The following KHNYN variants were observed in gnomAD, a reference collection of about 807,000 sequenced individuals.
KHNYN encodes the protein protein KHNYN.
A neutral mutation model predicts 62.7 loss-of-function variants in KHNYN; 42 were observed. The ratio of observed to expected loss-of-function variants is 0.67; its 90% confidence interval spans 0.52 to 0.87. The LOEUF (loss-of-function observed/expected upper bound fraction) is 0.87. KHNYN is among the 40% of genes least tolerant of loss of function. The pLI is 0.00. For missense variants in KHNYN, 829 were observed against 874.1 expected (o/e 0.95, Z 0.65); for synonymous variants, 347 against 345.6 (o/e 1.00, Z -0.04).
chr14:24,434,806 CTA>C (rs1594756962), intron 5 of KHNYN, among the ~76,000 whole-genome samples: 1 of 152,348 alleles, frequency 6.6e-6, no homozygotes, highest in Admixed American at 6.5e-5. Context: ...CTATACCACA[CTA>C]TCTTTCAAAT....
chr14:24,424,258 G>A, the KHNYN span, among the ~76,000 whole-genome samples: 14 of 152,128 alleles, frequency 9.2e-5, no homozygotes, highest in Admixed American at 8.5e-4. Context: ...TCAAGTTTTG[G>A]ATTATTAATC....
chr14:24,428,267 G>A (rs758540395), upstream of KHNYN: 23 of 1,612,552 alleles, frequency 1.4e-5, no homozygotes, highest in Admixed American at 3.8e-4. Flanking sequence ...CCGGGGATGG[G>A]GGCCAGTGCT....
At position 24,430,119 on chromosome 14, in the gene KHNYN, G is replaced by T; in HGVS notation, c.-18G>T. 2.0e-6 allele frequency: 2 copies of T among 985,026 alleles called. No individual in the cohort carries two copies. The highest frequency in any genetic ancestry group is 2.4e-6 in the Non-Finnish European group (2 of 829,986). 61.0% of individuals were successfully genotyped at this position (985,026 alleles called of 1,614,324 possible). ...TGAAGCCGGCGCGGGCGGCGGAGGC[G>T]GTAGGCGCGCCCCTCCACCGCGCCC... On this transcript the variant is annotated splice_region_variant and 5_prime_UTR_variant, in exon 1 of 8. Coordinates refer to ENST00000553935, the MANE Select transcript of KHNYN (RefSeq NM_015299.3).
chr14:24,435,041 A>T (rs1352723095), intron 5 of KHNYN, among the ~76,000 whole-genome samples: 2 of 152,132 alleles, frequency 1.3e-5, no homozygotes, highest in African/African-American at 4.8e-5. Context: ...TCTGTTTCTA[A>T]ATCTGTTAAA....
chr14:24,435,367 G>A (rs2043189526), intron 5 of KHNYN: 1 of 152,384 alleles, frequency 6.6e-6, no homozygotes, highest in African/African-American at 2.4e-5. Flanking sequence ...GCCTGGGTGT[G>A]TGGACTTTAT....
intron 5 of KHNYN, chr14:24,434,449 C>T (rs557913370): frequency 1.7e-5 from 14 of 835,222 alleles, no homozygotes; most frequent in South Asian, 1.6e-4. Context: ...TCTGTCGCCA[C>T]GCTGGAGTGC....
In KHNYN at chr14:24,431,756, T is replaced by A. The variant is rs1250092001; in HGVS notation, c.495T>A (p.Ser165=). 6.2e-7 allele frequency: 1 copy of A among 1,614,194 alleles called. No homozygotes were observed. Among genetic ancestry groups the A allele is most frequent in the Non-Finnish European group, 8.5e-7 (1 of 1,180,042 alleles). Residue 165 remains serine, a synonymous_variant, in exon 3 of 8, where the codon TCT becomes TCA. Transcript: ENST00000553935. ...SQCTGVLRDF[S]ALLQSPGDAH... is the part of the protein sequence containing the mutation. ...GTACTGGAGTGCTGAGAGACTTCTC[T>A]GCCCTGCTGCAGTCCCCGGGGGATG... is the stretch of plus-strand genomic sequence containing the variant.
chr14:24,429,450 C>T, upstream of KHNYN: 1 of 500,368 alleles, frequency 2.0e-6, no homozygotes, highest in Non-Finnish European at 3.9e-6. Context: ...TGAGTGTGTG[C>T]ATATGCCAGA....
At chr14:24,423,836 C>G in the KHNYN span, among the ~76,000 whole-genome samples, 1 of 152,150 alleles carries the variant, frequency 6.6e-6, no homozygotes, top group Non-Finnish European at 1.5e-5. Flanking sequence ...TTGTTAGGAT[C>G]CTTAAAGTCT....
In KHNYN at chr14:24,431,729, G is replaced by T; in HGVS notation, c.468G>T (p.Gln156His). Residue 156 changes from glutamine (Q) to histidine (H), a missense_variant, in exon 3 of 8, where the codon CAG becomes CAT. Physicochemically the swap from Gln to His is conservative, Grantham distance 24. Transcript: ENST00000553935. ...FTPGPSSGAS[Q>H]CTGVLRDFSA... ...CAGGACCATCTTCCGGAGCCTCTCA[G>T]TGTACTGGAGTGCTGAGAGACTTCT... 1 of 1,614,222 alleles carries T rather than the reference G, an allele frequency of 6.2e-7. No individual in the cohort carries two copies. The highest frequency in any genetic ancestry group is 8.5e-7 in the Non-Finnish European group (1 of 1,180,048).
Position 24,437,505 on chromosome 14 carries a change from T to C in KHNYN, c.*220T>C. 1.9e-6 allele frequency: 1 copy of C among 526,680 alleles called. No homozygotes were observed. The highest frequency in any genetic ancestry group is 3.3e-6 in the Non-Finnish European group (1 of 301,198). The allele number at this position is 526,680 out of a possible 1,614,324, so 32.6% of individuals were successfully genotyped here. A position where few individuals can be genotyped will look rare whatever the true frequency, so the allele number is the denominator to read the frequency against. On this transcript the variant is annotated 3_prime_UTR_variant, in exon 8 of 8. Coordinates refer to ENST00000553935, the MANE Select transcript of KHNYN (RefSeq NM_015299.3). This position sits in a 1 kb window ranked among gnomAD's most constrained non-coding sequence, Gnocchi z 5.5. ...AGAGGTTCTGCTCAGCCTTAACTTC[T>C]CAACTTTGCCTTAGCACAGGGTTTC...
intron 7 of KHNYN, 133 bp from the exon 8 acceptor site, chr14:24,436,903 G>A: frequency 8.3e-7 from 1 of 1,211,320 alleles, no homozygotes; most frequent in South Asian, 1.5e-5. Flanking sequence ...CCACTCAGTG[G>A]TCAGCTTCAG....
rs112092204 is a variant in KHNYN at position 24,435,565 on chromosome 14, A to C, written c.1578-507A>C. ...GTGGTAATGGTGGGCCTGGGAAGGA[A>C]GGGAGCAGAGCACAAGGCTTTTCAA... On this transcript the variant is annotated intron_variant, in intron 5 of 7. Transcript: ENST00000553935. 77 of 156,038 alleles carry C rather than the reference A, an allele frequency of 4.9e-4. 1 individual carries two copies. The highest frequency in any genetic ancestry group is 9.4e-4 in the Non-Finnish European group (66 of 70,432). 9.7% of individuals were successfully genotyped at this position (156,038 alleles called of 1,614,324 possible). A position where few individuals can be genotyped will look rare whatever the true frequency, so the allele number is the denominator to read the frequency against.
At position 24,440,393 on chromosome 14, in the gene KHNYN, G is replaced by A. The variant is rs773915053; in HGVS notation, c.*3108G>A. 6 of 1,613,956 alleles carry A rather than the reference G, an allele frequency of 3.7e-6. No individual in the cohort carries two copies. The East Asian group carries it at 1.1e-4, about 30-fold the overall frequency. On this transcript the variant is annotated 3_prime_UTR_variant, in exon 8 of 8. Transcript: ENST00000553935. ...TGCCAGGTCCCCGATGTGTATCCAG[G>A]GGAAGAATTGGTGGCCTGAGCCGAT...
At chr14:24,430,427 C>A (rs1290928510) in intron 1 of KHNYN, 2 of 1,221,496 alleles carry the variant, frequency 1.6e-6, no homozygotes, top group South Asian at 4.3e-5. Flanking sequence ...GCCTCCAGGC[C>A]GAGCTGGAGC....
At chr14:24,436,533 G>A (rs948144231) in intron 7 of KHNYN, 44 bp downstream of exon 7, 24 of 1,425,924 alleles carry the variant, frequency 1.7e-5, no homozygotes, top group Non-Finnish European at 2.2e-5. Flanking sequence ...CCCACCCCTG[G>A]CCCTCTCTCA....
chr14:24,424,506 T>C (rs1026451852), upstream of KHNYN, among the ~76,000 whole-genome samples: 1 of 152,220 alleles, frequency 6.6e-6, no homozygotes, highest in Non-Finnish European at 1.5e-5. Context: ...GAATATGTTA[T>C]GTTACATGGC....
Position 24,440,475 on chromosome 14 carries a change from C to A in KHNYN, c.*3190C>A. The A allele has an allele frequency of 3.1e-6, 5 of 1,606,222 alleles. No homozygotes were observed. The South Asian group carries it at 3.3e-5, about 11-fold the overall frequency. On this transcript the variant is annotated 3_prime_UTR_variant, in exon 8 of 8. Coordinates refer to ENST00000553935, the MANE Select transcript of KHNYN (RefSeq NM_015299.3). Reference sequence around the variant, plus strand: ...AGCATGTGGCCCATGGCACCACCCCCACGGCCCAGCACAACCCCTAGAGCA... The same window carrying A: ...AGCATGTGGCCCATGGCACCACCCCAACGGCCCAGCACAACCCCTAGAGCA...
Position 24,437,403 on chromosome 14 carries a change from T to C in KHNYN, c.*118T>C, listed in dbSNP as rs2043224184. 1.5e-6 allele frequency: 2 copies of C among 1,295,322 alleles called. No individual in the cohort carries two copies. The highest frequency in any genetic ancestry group is 4.8e-5 in the East Asian group (2 of 41,690). 80.2% of individuals were successfully genotyped at this position (1,295,322 alleles called of 1,614,324 possible). A position where few individuals can be genotyped will look rare whatever the true frequency, so the allele number is the denominator to read the frequency against. ...CCAGAGGCACCCTGAGTTGGTGCTT[T>C]GGATCAGGGAAGCCACTTTGGGACA... On this transcript the variant is annotated 3_prime_UTR_variant, in exon 8 of 8. Transcript: ENST00000553935. The surrounding 1 kb of genome is among the most constrained non-coding windows in gnomAD (Gnocchi z 5.5).
Sources: allele counts gnomAD v4.1 joint callset (sites outside exome capture counted in the v4.1 genomes callset), GRCh38; gene constraint gnomAD v4.1.1; non-coding constraint Gnocchi (gnomAD v3.1); transcripts MANE v1.5; gene names NCBI Gene and HGNC (gene_info 2026-07-23, HGNC 2026-07-21).